The following LRCH1 variants were observed in gnomAD, a reference collection of about 807,000 sequenced individuals.
LRCH1 encodes the protein leucine-rich repeat and calponin homology domain-containing protein 1.
In LRCH1, 23 loss-of-function variants were observed where a neutral mutation model predicts 94.9. That is an observed-to-expected ratio of 0.24 (90% CI 0.17 to 0.34). The LOEUF (loss-of-function observed/expected upper bound fraction) is 0.34. LRCH1 is among the 10% of genes least tolerant of loss of function. The probability of loss-of-function intolerance (pLI) is 1.00; values close to 1 mark genes in which losing one functional copy is unlikely to be tolerated. For missense variants in LRCH1, 790 were observed against 945.9 expected (o/e 0.84, Z 2.16); for synonymous variants, 364 against 354.9 (o/e 1.03, Z -0.29).
chr13:46,686,012 A>G lies in LRCH1; in HGVS notation c.793A>G (p.Asn265Asp). The G allele has an allele frequency of 3.7e-6, 6 of 1,608,296 alleles. No homozygotes were observed. Among genetic ancestry groups the G allele is most frequent in the Non-Finnish European group, 5.1e-6 (6 of 1,177,912 alleles). Reference sequence around the variant, plus strand: ...GCAGCTGCAAGTGTTACTACTTGAGAATAACCCTCTGCAGTCTCCTCCAGC... The same window carrying G: ...GCAGCTGCAAGTGTTACTACTTGAGGATAACCCTCTGCAGTCTCCTCCAGC... ...MKQLQVLLLE[N>D]NPLQSPPAQI... is the part of the protein sequence containing the mutation. Residue 265 changes from asparagine to aspartate, a missense_variant, in exon 5 of 20, where the codon AAT becomes GAT. Coordinates refer to ENST00000389797, the MANE Select transcript of LRCH1 (RefSeq NM_001164211.2).
At chr13:46,562,441 T>G (rs996984298) in intron 1 of LRCH1, among the ~76,000 whole-genome samples, 1 of 152,172 alleles carries the variant, frequency 6.6e-6, no homozygotes, top group Non-Finnish European at 1.5e-5. Context: ...GCCGTTCCTT[T>G]TTATACACAA....
At chr13:46,579,933 A>G (rs1283631917) in intron 1 of LRCH1, among the ~76,000 whole-genome samples, 1 of 152,212 alleles carries the variant, frequency 6.6e-6, no homozygotes, top group East Asian at 1.9e-4. Context: ...GGAGCTTCAG[A>G]GTAACTTGAG....
chr13:46,660,151 A>G (rs1317305395), intron 2 of LRCH1, among the ~76,000 whole-genome samples: 1 of 148,832 alleles, frequency 6.7e-6, no homozygotes, highest in Admixed American at 7.0e-5. Flanking sequence ...AGCTGGGACT[A>G]CAGGCGCCCG....
At chr13:46,622,920 C>T (rs757333163) in intron 1 of LRCH1, among the ~76,000 whole-genome samples, 1 of 152,104 alleles carries the variant, frequency 6.6e-6, no homozygotes, top group East Asian at 1.9e-4. Flanking sequence ...TTTGCTGTTG[C>T]GTCGTACTGC....
At chr13:46,602,299 TTAAGTG>T (rs2050636465) in intron 1 of LRCH1, among the ~76,000 whole-genome samples, 1 of 152,164 alleles carries the variant, frequency 6.6e-6, no homozygotes, top group South Asian at 2.1e-4. Flanking sequence ...CCAGAGAAAT[TTAAGTG>T]AGTTTCCTGG....
intron 1 of LRCH1, among the ~76,000 whole-genome samples, chr13:46,564,210 C>T (rs997178696): frequency 1.3e-5 from 2 of 152,294 alleles, no homozygotes; most frequent in African/African-American, 2.4e-5. Flanking sequence ...GACTCACAAA[C>T]GGGGCCATCA....
At chr13:46,557,891 A>T (rs1197583772) in intron 1 of LRCH1, among the ~76,000 whole-genome samples, 2 of 152,070 alleles carry the variant, frequency 1.3e-5, no homozygotes, top group African/African-American at 4.8e-5. Context: ...TAAATAAAAT[A>T]AAAAATTAGG....
At chr13:46,593,660 C>T (rs1051073103) in intron 1 of LRCH1, among the ~76,000 whole-genome samples, 2 of 152,198 alleles carry the variant, frequency 1.3e-5, no homozygotes, top group Admixed American at 6.5e-5. Flanking sequence ...CATGCCCCTT[C>T]GTTCCAGCTG....
At chr13:46,749,155 G>T (rs992203905), downstream of LRCH1, among the ~76,000 whole-genome samples, 2 of 152,150 alleles carry the variant, frequency 1.3e-5, no homozygotes, top group Non-Finnish European at 2.9e-5. Context: ...ATCACCTAGG[G>T]CTGGATGCAG....
chr13:46,643,268 T>A (rs2051180793), intron 1 of LRCH1, among the ~76,000 whole-genome samples: 1 of 152,220 alleles, frequency 6.6e-6, no homozygotes, highest in African/African-American at 2.4e-5. Flanking sequence ...GAACCTTCAT[T>A]ACTCACAACT....
At chr13:46,613,785 T>G (rs2050773951) in intron 1 of LRCH1, among the ~76,000 whole-genome samples, 1 of 152,120 alleles carries the variant, frequency 6.6e-6, no homozygotes, top group South Asian at 2.1e-4. Context: ...GAAGTTATTC[T>G]CTAAGTCTGG....
intron 1 of LRCH1, among the ~76,000 whole-genome samples, chr13:46,601,442 T>G (rs2137983279): frequency 6.6e-6 from 1 of 152,302 alleles, no homozygotes; most frequent in East Asian, 1.9e-4. Flanking sequence ...ATTATAAGTT[T>G]TTTAAAAAGT....
At chr13:46,665,633 C>T (rs9595507) in intron 2 of LRCH1, among the ~76,000 whole-genome samples, 3,434 of 152,270 alleles carry the variant, frequency 0.023, 146 homozygotes, top group African/African-American at 0.079. Context: ...TGATCTTCAA[C>T]CCAGACTCTG....
At position 46,659,674 on chromosome 13, in the gene LRCH1, G is replaced by A. The variant is rs1170055827; in HGVS notation, c.452+9329G>A. Among the ~76,000 whole-genome samples the A allele has an allele frequency of 2.0e-5, 3 of 152,192 alleles. No homozygotes were observed. In the East Asian group the frequency reaches 5.8e-4, roughly 29 times the overall value. The stretch of plus-strand genomic sequence containing the variant: ...TCCTAAGAACTGGGAAAGCTTGTTT[G>A]TGTGTGGGTGGCTGTGGGGGGTGGG... On this transcript the variant is annotated intron_variant, in intron 2 of 19. Coordinates refer to ENST00000389797, the MANE Select transcript of LRCH1 (RefSeq NM_001164211.2).
chr13:46,739,097 A>G (rs1873528905), intron 19 of LRCH1, among the ~76,000 whole-genome samples: 1 of 152,248 alleles, frequency 6.6e-6, no homozygotes, highest in African/African-American at 2.4e-5. Flanking sequence ...AATATATTCC[A>G]AAGTTTTAAA....
chr13:46,649,627 T>G (rs779909624), intron 1 of LRCH1, among the ~76,000 whole-genome samples: 1 of 152,096 alleles, frequency 6.6e-6, no homozygotes, highest in African/African-American at 2.4e-5. Context: ...ACTTGGTTAT[T>G]GTCTGTTATG....
intron 2 of LRCH1, among the ~76,000 whole-genome samples, chr13:46,652,807 A>T (rs193158925): frequency 1.3e-5 from 2 of 152,226 alleles, no homozygotes; most frequent in Non-Finnish European, 2.9e-5. Context: ...TGTTGTATTT[A>T]GTCCATGTTC....
At chr13:46,712,853 G>A (rs1012155216) in intron 15 of LRCH1, among the ~76,000 whole-genome samples, 7 of 152,146 alleles carry the variant, frequency 4.6e-5, no homozygotes, top group East Asian at 3.8e-4. Flanking sequence ...GCATGTAAGC[G>A]GGGAAGAAAT....
intron 13 of LRCH1, among the ~76,000 whole-genome samples, chr13:46,708,927 TGAGTA>T (rs796696842): frequency 1.3e-5 from 2 of 151,990 alleles, no homozygotes; most frequent in East Asian, 3.9e-4. Flanking sequence ...TACTACACAG[TGAGTA>T]GTTCGTGAGG....
Sources: gnomAD v4.1 joint callset for allele counts (sites outside exome capture counted in the v4.1 genomes callset) on GRCh38, gnomAD v4.1.1 for gene constraint, MANE v1.5 for transcripts, NCBI Gene and HGNC (gene_info 2026-07-23, HGNC 2026-07-21) for gene names.